The following NPAS3 variants were observed in gnomAD, a reference collection of about 807,000 sequenced individuals.
The protein encoded by NPAS3 is neuronal PAS domain protein 3.
NPAS3 carries 14 observed loss-of-function variants against 73.1 expected under a neutral mutation model. That is an observed-to-expected ratio of 0.19 (90% CI 0.13 to 0.30). The LOEUF (loss-of-function observed/expected upper bound fraction) is 0.30, where lower values mean the gene tolerates loss of function less well. NPAS3 is among the 10% of genes least tolerant of loss of function. NPAS3 has a pLI of 1.00. For synonymous variants in NPAS3, 620 were observed against 541.5 expected (o/e 1.14, Z -2.01); for missense variants, 1,096 against 1,250.0 (o/e 0.88, Z 1.86).
rs377353855 is a variant in NPAS3, at chr14:33,526,090, C to T, written c.469-34031C>T. Among the ~76,000 whole-genome samples, 35 of 152,152 alleles carry T rather than the reference C, an allele frequency of 2.3e-4. No homozygotes were observed. The East Asian group carries it at 3.3e-3, about 14-fold the overall frequency. On this transcript the variant is annotated intron_variant, in intron 4 of 11. Coordinates refer to ENST00000356141, the Ensembl canonical transcript of NPAS3. Reference sequence around the variant, plus strand: ...CATCAGTGAATGGCAAACAATTTGACGTAATTTTCCATGTTGTTTTCCTAC... The same window carrying T: ...CATCAGTGAATGGCAAACAATTTGATGTAATTTTCCATGTTGTTTTCCTAC...
chr14:33,037,497 A>G lies in NPAS3; in HGVS notation c.51-18408A>G, dbSNP rs1400491030. Among the ~76,000 whole-genome samples the G allele has an allele frequency of 2.6e-5, 4 of 151,080 alleles. No homozygotes were observed. In the East Asian group the frequency reaches 7.8e-4, roughly 29 times the overall value. On this transcript the variant is annotated intron_variant, in intron 1 of 11. Coordinates refer to ENST00000356141, the Ensembl canonical transcript of NPAS3. ...CCATCTCAGCAAAAAAAAAAAAAGAAAAAAGAAAAAAAGAAAAAATTAGGT... is the reference window on the plus strand; with the variant it reads ...CCATCTCAGCAAAAAAAAAAAAAGAGAAAAGAAAAAAAGAAAAAATTAGGT...
chr14:33,668,590 C>T (rs895116110), intron 5 of NPAS3, among the ~76,000 whole-genome samples: 1 of 152,104 alleles, frequency 6.6e-6, no homozygotes, highest in Non-Finnish European at 1.5e-5. Flanking sequence ...TTGAGGCAGG[C>T]CGATCACTTG....
chr14:33,023,051 C>T (rs1172374949), intron 1 of NPAS3, among the ~76,000 whole-genome samples: 1 of 151,920 alleles, frequency 6.6e-6, no homozygotes, highest in African/African-American at 2.4e-5. Flanking sequence ...CATCTGTACT[C>T]TTCTAAGCCG....
chr14:33,774,343 C>A, exon 8 of NPAS3: 1 of 1,613,324 alleles, frequency 6.2e-7, no homozygotes, highest in Non-Finnish European at 8.5e-7. Flanking sequence ...ACAGGTGATT[C>A]ACATAACAGG....
At chr14:33,314,541 A>G (rs1449539244) in intron 3 of NPAS3, among the ~76,000 whole-genome samples, 1 of 152,078 alleles carries the variant, frequency 6.6e-6, no homozygotes, top group Non-Finnish European at 1.5e-5. Context: ...GTGATTATTT[A>G]AAATTACTCT....
intron 3 of NPAS3, among the ~76,000 whole-genome samples, chr14:33,271,360 A>G (rs72678850): frequency 1.3e-5 from 2 of 152,094 alleles, no homozygotes; most frequent in Non-Finnish European, 2.9e-5. Context: ...AGTAGTATTT[A>G]GGTCTCATGG....
chr14:33,130,609 G>A (rs1247444666), intron 2 of NPAS3, among the ~76,000 whole-genome samples: 1 of 152,024 alleles, frequency 6.6e-6, no homozygotes, highest in Non-Finnish European at 1.5e-5. Flanking sequence ...TGCTGTTTGT[G>A]CAAAAAGGGC....
chr14:33,268,026 ATTC>A lies in NPAS3; in HGVS notation c.385+52606_385+52608del, dbSNP rs2040893385. Among the ~76,000 whole-genome samples, 4 of 152,280 alleles carry A rather than the reference ATTC, an allele frequency of 2.6e-5. No individual in the cohort carries two copies. In the South Asian group the frequency reaches 8.3e-4, roughly 32 times the overall value. ...TAAAAATTAAAAACATAATTACTATATTCTTCTTGATTTTTTTTTCAGCTGCTA... is the reference window on the plus strand; with the variant it reads ...TAAAAATTAAAAACATAATTACTATATTCTTGATTTTTTTTTCAGCTGCTA... On this transcript the variant is annotated intron_variant, in intron 3 of 11. Transcript: ENST00000356141.
intron 3 of NPAS3, among the ~76,000 whole-genome samples, chr14:33,250,369 G>A (rs1296364855): frequency 6.6e-6 from 1 of 152,052 alleles, no homozygotes; most frequent in Non-Finnish European, 1.5e-5. Context: ...GTAACTCTAA[G>A]TAATTGATAT....
At chr14:33,173,820 G>A (rs911627301) in intron 2 of NPAS3, among the ~76,000 whole-genome samples, 3 of 152,140 alleles carry the variant, frequency 2.0e-5, no homozygotes, top group African/African-American at 7.2e-5. Context: ...GTGTATGTAA[G>A]ATTATATTAA....
At chr14:32,952,180 G>A (rs138080983) in intron 1 of NPAS3, among the ~76,000 whole-genome samples, 1,909 of 152,006 alleles carry the variant, frequency 0.013, 38 homozygotes, top group African/African-American at 0.044. Context: ...AGTAATAATT[G>A]AATATACCGC....
At chr14:33,752,083 C>T (rs1259706493) in intron 7 of NPAS3, among the ~76,000 whole-genome samples, 1 of 152,036 alleles carries the variant, frequency 6.6e-6, no homozygotes, top group Non-Finnish European at 1.5e-5. Flanking sequence ...TTTTAAAAAA[C>T]ATAATTTTCA....
intron 4 of NPAS3, among the ~76,000 whole-genome samples, chr14:33,510,885 T>C (rs1315688232): frequency 1.3e-5 from 2 of 152,050 alleles, no homozygotes; most frequent in African/African-American, 2.4e-5. Context: ...TACCAACATG[T>C]TGAATGATCT....
At position 33,485,935 on chromosome 14, in the gene NPAS3, A is replaced by G. The variant is rs1241653748; in HGVS notation, c.469-74186A>G. Among the ~76,000 whole-genome samples, 3 of 152,056 alleles carry G rather than the reference A, an allele frequency of 2.0e-5. No individual in the cohort carries two copies. In the East Asian group the frequency reaches 5.8e-4, roughly 30 times the overall value. ...ACAAGGATGCCACCTCTAGGGGGTC[A>G]TAGTATATGAATGTGAGTGGCCGCC... On this transcript the variant is annotated intron_variant, in intron 4 of 11. Transcript: ENST00000356141.
intron 4 of NPAS3, among the ~76,000 whole-genome samples, chr14:33,461,234 G>T (rs575459566): frequency 3.9e-5 from 6 of 152,152 alleles, no homozygotes; most frequent in Non-Finnish European, 8.8e-5. Context: ...GGAATTCAGT[G>T]CTGAGCTAGC....
chr14:33,473,407 T>C (rs2050877394), intron 4 of NPAS3, among the ~76,000 whole-genome samples: 1 of 152,160 alleles, frequency 6.6e-6, no homozygotes, highest in Non-Finnish European at 1.5e-5. Flanking sequence ...TAATTAGCTT[T>C]CAGAGAATGC....
chr14:33,581,337 G>A (rs1358235632), intron 5 of NPAS3, among the ~76,000 whole-genome samples: 1 of 151,992 alleles, frequency 6.6e-6, no homozygotes, highest in Non-Finnish European at 1.5e-5. Flanking sequence ...TTTATATCCT[G>A]ACAAGTCCTT....
chr14:33,238,068 C>G (rs915624441), intron 3 of NPAS3, among the ~76,000 whole-genome samples: 2 of 151,738 alleles, frequency 1.3e-5, no homozygotes, highest in African/African-American at 4.8e-5. Context: ...AATGAACTAA[C>G]GTGTTTTGGG....
At chr14:33,676,280 C>T in exon 6 of NPAS3, 1 of 1,613,658 alleles carries the variant, frequency 6.2e-7, no homozygotes, top group Non-Finnish European at 8.5e-7. Context: ...GGCTGAGCAG[C>T]TGGGCATGAA....
Sources: allele counts gnomAD v4.1 joint callset (sites outside exome capture counted in the v4.1 genomes callset), GRCh38; gene constraint gnomAD v4.1.1; transcripts MANE v1.5; gene names NCBI Gene and HGNC (gene_info 2026-07-23, HGNC 2026-07-21).